The following TAF2 variants were observed in gnomAD, a reference collection of about 807,000 sequenced individuals.
TAF2 encodes the protein transcription initiation factor TFIID subunit 2.
A neutral mutation model predicts 138.5 loss-of-function variants in TAF2; 61 were observed. The ratio of observed to expected loss-of-function variants is 0.44; its 90% CI spans 0.36 to 0.54. TAF2 has a LOEUF of 0.54. TAF2 is among the 20% of genes least tolerant of loss of function. The pLI is 0.00. For missense variants in TAF2, 1,090 were observed against 1,427.9 expected (o/e 0.76, Z 3.81); for synonymous variants, 475 against 469.9 (o/e 1.01, Z -0.14).
At chr8:119,782,971 T>C (rs1415398362) in intron 16 of TAF2, among the ~76,000 whole-genome samples, 1 of 149,442 alleles carries the variant, frequency 6.7e-6, no homozygotes, top group Non-Finnish European at 1.5e-5. Context: ...TGTGAGATCT[T>C]GTCTTTATTT....
At position 119,769,017 on chromosome 8, in the gene TAF2, C is replaced by G. The variant is rs149945369; in HGVS notation, c.2365-6409G>C. ...ATTTCTGCCTGTCTAAGACTTGGAG[C>G]TAGTGCAGCCCCCCTGCAGAGACTT... On this transcript the variant is annotated intron_variant, in intron 18 of 25. Transcript: ENST00000378164. 1.6e-3 allele frequency among the ~76,000 whole-genome samples: 248 copies of G among 152,292 alleles called. 1 individual carries two copies. The highest frequency in any genetic ancestry group is 5.6e-3 in the African/African-American group (234 of 41,566).
At chr8:119,814,113 GCT>G (rs1012236379) in intron 3 of TAF2, among the ~76,000 whole-genome samples, 15 of 151,862 alleles carry the variant, frequency 9.9e-5, no homozygotes, top group African/African-American at 3.6e-4. Flanking sequence ...ACAGAGCAAG[GCT>G]CTGTCTTTAA....
At chr8:119,799,924 G>A (rs1824128375) in intron 6 of TAF2, among the ~76,000 whole-genome samples, 1 of 152,174 alleles carries the variant, frequency 6.6e-6, no homozygotes, top group Admixed American at 6.5e-5. Context: ...ATTTTTTCAT[G>A]TGTCTGTTGG....
At position 119,781,297 on chromosome 8, in the gene TAF2, T is replaced by C. The variant is rs1822634933; in HGVS notation, c.2113-104A>G. 2.4e-6 allele frequency: 3 copies of C among 1,232,138 alleles called. No individual in the cohort carries two copies. The African/African-American group carries it at 4.5e-5, about 19-fold the overall frequency. 76.3% of individuals were successfully genotyped at this position (1,232,138 alleles called of 1,614,324 possible). ...ATCAATACTACAACTGGATTGGGTT[T>C]TCAACAACTTCACTTCTCAGAAATT... On this transcript the variant is annotated intron_variant, in intron 16 of 25. Coordinates refer to ENST00000378164, the MANE Select transcript of TAF2 (RefSeq NM_003184.4).
chr8:119,797,035 G>T lies in TAF2; in HGVS notation c.1046C>A (p.Ser349Tyr), dbSNP rs1323678321. The T allele has an allele frequency of 1.2e-6, 2 of 1,613,188 alleles. No homozygotes were observed. The change falls in exon 8 of 26, where the codon TCC becomes TAC. Residue 349 changes from serine (S) to tyrosine (Y), a missense_variant. By Grantham distance (144) the Ser-to-Tyr change is moderately radical. Around this residue, in one of 3 missense-constraint regions of TAF2, gnomAD observed 504 missense variants for 680.9 expected, o/e 0.74. Coordinates refer to ENST00000378164, the MANE Select transcript of TAF2 (RefSeq NM_003184.4). ...TPLTRRCLAQ[S>Y]LAQQFFGCFI... ...ACAACCAAAAAACTGCTGGGCCAAG[G>T]ATTGGGCTAAACACCTTCTAGTCAA...
chr8:119,795,680 C>A, intron 8 of TAF2, 49 bp from the exon 9 acceptor site: 1 of 1,476,612 alleles, frequency 6.8e-7, no homozygotes, highest in South Asian at 1.1e-5. Context: ...AAAAACTCCT[C>A]AGATAATGTC....
At chr8:119,801,140 C>T (rs1201661162) in intron 6 of TAF2, among the ~76,000 whole-genome samples, 4 of 151,974 alleles carry the variant, frequency 2.6e-5, no homozygotes, top group South Asian at 2.1e-4. Flanking sequence ...ATTTTAGATT[C>T]CAGAGATGGG....
rs780085912 is a variant in TAF2, at chr8:119,783,532, C to T, written c.1961G>A (p.Arg654His). Residue 654 changes from arginine to histidine, a missense_variant, in exon 16 of 26, where the codon CGC becomes CAC. Around this residue, in one of 3 missense-constraint regions of TAF2, gnomAD observed 580 missense variants for 719.6 expected, o/e 0.81. Coordinates refer to ENST00000378164, the MANE Select transcript of TAF2 (RefSeq NM_003184.4). ...QADFMWQYQLRYERDVVAQQE... is the reference protein window; with the variant it reads ...QADFMWQYQLHYERDVVAQQE... Reference sequence around the variant, plus strand: ...CTGTGCAACAACATCTCTCTCATAGCGGAGCTGATACTGCCACATAAAATC... The same window carrying T: ...CTGTGCAACAACATCTCTCTCATAGTGGAGCTGATACTGCCACATAAAATC... The T allele has an allele frequency of 6.2e-7, 1 of 1,614,116 alleles. No individual in the cohort carries two copies. The highest frequency in any genetic ancestry group is 2.2e-5 in the East Asian group (1 of 44,866).
chr8:119,760,436 T>C lies in TAF2; in HGVS notation c.2698+163A>G, dbSNP rs191329131. 26 of 793,700 alleles carry C rather than the reference T, an allele frequency of 3.3e-5. No individual in the cohort carries two copies. The East Asian group carries it at 3.9e-4, about 12-fold the overall frequency. 49.2% of individuals were successfully genotyped at this position (793,700 alleles called of 1,614,324 possible). On this transcript the variant is annotated intron_variant, in intron 20 of 25. Transcript: ENST00000378164. ...CCTTTCCCTCATTTATTAACTCTTATGTGAATTCTACATTTATCAAAGATG... is the reference window on the plus strand; with the variant it reads ...CCTTTCCCTCATTTATTAACTCTTACGTGAATTCTACATTTATCAAAGATG...
chr8:119,789,021 A>C, intron 12 of TAF2, 117 bp from the exon 13 acceptor site: 1 of 728,522 alleles, frequency 1.4e-6, no homozygotes, highest in Non-Finnish European at 2.5e-6. Flanking sequence ...AAAGTTTGAG[A>C]GCATACGCTA....
intron 6 of TAF2, among the ~76,000 whole-genome samples, chr8:119,799,417 T>A (rs1824080054): frequency 6.6e-6 from 1 of 152,166 alleles, no homozygotes; most frequent in Non-Finnish European, 1.5e-5. Flanking sequence ...TTTGGTTTTT[T>A]GTCCTTGCGA....
At chr8:119,806,798 C>A (rs1824689609) in intron 3 of TAF2, among the ~76,000 whole-genome samples, 1 of 151,992 alleles carries the variant, frequency 6.6e-6, no homozygotes, top group Non-Finnish European at 1.5e-5. Context: ...TCATTTGATA[C>A]CAATTATTTG....
chr8:119,734,303 A>C (rs1296295019), intron 25 of TAF2, among the ~76,000 whole-genome samples: 2 of 152,144 alleles, frequency 1.3e-5, no homozygotes, highest in Non-Finnish European at 2.9e-5. Context: ...AGCTAAGAAA[A>C]AAGAAAAGGC....
At chr8:119,774,024 A>T (rs2131104186) in intron 18 of TAF2, among the ~76,000 whole-genome samples, 1 of 151,616 alleles carries the variant, frequency 6.6e-6, no homozygotes, top group South Asian at 2.1e-4. Context: ...ACAAAAAATT[A>T]GCCGGGTGTG....
chr8:119,801,554 G>A (rs566692326), intron 6 of TAF2, among the ~76,000 whole-genome samples: 3 of 150,692 alleles, frequency 2.0e-5, no homozygotes, highest in South Asian at 2.1e-4. Flanking sequence ...TCAGCCTCCC[G>A]AGTAGCTGGG....
At position 119,831,751 on chromosome 8, in the gene TAF2, A is replaced by G. The variant is rs1211909115; in HGVS notation, c.84-20T>C. 3 of 1,475,328 alleles carry G rather than the reference A, an allele frequency of 2.0e-6. No homozygotes were observed. Among genetic ancestry groups the G allele is most frequent in the East Asian group, 2.5e-5 (1 of 40,652 alleles). The allele number at this position is 1,475,328 out of a possible 1,614,324, so 91.4% of individuals were successfully genotyped here. ...TGGGTTGTATATTAATAAATATAAA[A>G]AGAAAATAAGGAAAAAATAATTTTT... On this transcript the variant is annotated intron_variant, in intron 1 of 25. Transcript: ENST00000378164.
chr8:119,794,154 T>C (rs993903490), intron 9 of TAF2, among the ~76,000 whole-genome samples: 1 of 151,896 alleles, frequency 6.6e-6, no homozygotes, highest in African/African-American at 2.4e-5. Context: ...TCCCAGCACT[T>C]TGGGAGGCTG....
chr8:119,748,953 T>A (rs1820164974), intron 22 of TAF2, among the ~76,000 whole-genome samples: 1 of 151,684 alleles, frequency 6.6e-6, no homozygotes, highest in Non-Finnish European at 1.5e-5. Context: ...CAGAACAGTT[T>A]AGAGTACATT....
chr8:119,810,191 G>GTTCTA (rs1824954118), intron 3 of TAF2, among the ~76,000 whole-genome samples: 1 of 151,956 alleles, frequency 6.6e-6, no homozygotes, highest in Non-Finnish European at 1.5e-5. Context: ...ATATAGAACA[G>GTTCTA]TTCTATCATC....
Sources: gnomAD v4.1 joint callset for allele counts (sites outside exome capture counted in the v4.1 genomes callset) on GRCh38, gnomAD v4.1.1 for gene constraint, gnomAD v4.1.1 regional missense constraint, MANE v1.5 for transcripts, NCBI Gene and HGNC (gene_info 2026-07-23, HGNC 2026-07-21) for gene names.